SLC9A7: variants seen among roughly 807,000 people sequenced by gnomAD.
SLC9A7 encodes the protein sodium/hydrogen exchanger 7.
SLC9A7 carries 19 observed loss-of-function variants against 52.6 expected under a neutral mutation model. That is an observed-to-expected ratio of 0.36 (90% CI 0.25 to 0.53). The LOEUF is 0.53. Ranked by LOEUF, SLC9A7 falls within the 20% of genes least tolerant of loss-of-function variation. The pLI, the probability that SLC9A7 is intolerant of heterozygous loss-of-function variation, is 0.91. For synonymous variants in SLC9A7, 226 were observed against 252.1 expected, an observed-to-expected ratio of 0.90 and a Z score of 0.98; for missense variants, 455 against 597.9, an observed-to-expected ratio of 0.76 and a Z score of 2.49.
intron 1 of SLC9A7, among the ~76,000 whole-genome samples, chrX:46,753,104 A>T (rs782175526): frequency 2.7e-5 from 3 of 112,513 alleles, no homozygotes; most frequent in Non-Finnish European, 5.6e-5. Flanking sequence ...ACATTTCGAC[A>T]ATCCAAGGAA....
chrX:46,635,510 G>A, intron 13 of SLC9A7, 79 bp downstream of exon 13: 1 of 822,906 alleles, frequency 1.2e-6, no homozygotes. Flanking sequence ...GAAAAATAGT[G>A]TAAAGAGAAA....
chrX:46,621,118 GA>G (rs750911752), intron 14 of SLC9A7, 59 bp from the exon 15 acceptor site: 14 of 764,570 alleles, frequency 1.8e-5, no homozygotes, highest in African/African-American at 4.3e-5. Context: ...AAAGAAAGGG[GA>G]AAAAAAACCT....
At chrX:46,631,533 T>C (rs1342817109) in intron 14 of SLC9A7, 53 bp downstream of exon 14, 10 of 1,016,562 alleles carry the variant, frequency 9.8e-6, no homozygotes, top group Non-Finnish European at 1.4e-5. Flanking sequence ...GTGCCTGGCA[T>C]GTGGCGAATG....
intron 7 of SLC9A7, 123 bp from the exon 8 acceptor site, chrX:46,653,837 T>G: frequency 2.2e-6 from 1 of 453,094 alleles, no homozygotes; most frequent in Non-Finnish European, 3.8e-6. Context: ...TTTTTTTTTT[T>G]TGGAGGCTCT....
chrX:46,678,240 C>CT (rs761800129), intron 3 of SLC9A7, among the ~76,000 whole-genome samples: 1 of 110,308 alleles, frequency 9.1e-6, no homozygotes, highest in African/African-American at 3.3e-5. Context: ...CAAAATCTCT[C>CT]TTCTCTAGAC....
At chrX:46,642,712 G>C (rs1004854418) in intron 12 of SLC9A7, among the ~76,000 whole-genome samples, 2 of 112,064 alleles carry the variant, frequency 1.8e-5, no homozygotes, top group African/African-American at 6.5e-5. Context: ...CACAGGCAGA[G>C]GACATCCATG....
chrX:46,699,404 G>A (rs1260375390), intron 1 of SLC9A7, among the ~76,000 whole-genome samples: 1 of 111,636 alleles, frequency 9.0e-6, no homozygotes, highest in African/African-American at 3.3e-5. Flanking sequence ...CCATTCTAAT[G>A]TTGAATGGAA....
chrX:46,730,670 T>TAATATATATATATATATATA (rs1491295251), intron 1 of SLC9A7, among the ~76,000 whole-genome samples: 1 of 42,928 alleles, frequency 2.3e-5, no homozygotes, highest in African/African-American at 6.5e-5. Flanking sequence ...AAAAAAAAAA[T>TAATATATATATATATATATA]TATATATATA....
Position 46,735,121 on chromosome X carries a change from A to G in SLC9A7, c.325+23584T>C, listed in dbSNP as rs749547804. Among the ~76,000 whole-genome samples, 10 of 110,892 alleles carry G rather than the reference A, an allele frequency of 9.0e-5. No homozygotes were observed. In the East Asian group the frequency reaches 2.5e-3, roughly 28 times the overall value. ...GATCTCTGTCTTTTAGATGATTCAC[A>G]TTTTCACATTTAAAGCAACTATTTA... On this transcript the variant is annotated intron_variant, in intron 1 of 16. Coordinates refer to ENST00000616978, the MANE Select transcript of SLC9A7 (RefSeq NM_001257291.2).
chrX:46,742,826 G>C (rs1921454906), intron 1 of SLC9A7, among the ~76,000 whole-genome samples: 1 of 111,794 alleles, frequency 8.9e-6, no homozygotes, highest in Non-Finnish European at 1.9e-5. Context: ...AAGGTGGGAG[G>C]ATCACTTGAG....
chrX:46,671,427 ATT>A (rs567014139), intron 4 of SLC9A7, among the ~76,000 whole-genome samples: 2 of 99,156 alleles, frequency 2.0e-5, no homozygotes. Context: ...CTCCCGGCTA[ATT>A]TTTTTTTTTT....
chrX:46,608,187 G>A (rs924283406), intron 16 of SLC9A7, among the ~76,000 whole-genome samples: 4 of 112,258 alleles, frequency 3.6e-5, no homozygotes, highest in Admixed American at 9.4e-5. Context: ...AACGCCAAAG[G>A]GCAGTGACCT....
rs1415240080 is a variant in SLC9A7, at chrX:46,653,624, C to T, written c.1132G>A (p.Ala378Thr). The change falls in exon 8 of 17, where the codon GCC (alanine) becomes ACC (threonine). Residue 378 changes from alanine (A) to threonine (T), a missense_variant. Physicochemically the swap from Ala to Thr is moderately conservative, Grantham distance 58. Around this residue, in one of 3 missense-constraint regions of SLC9A7, gnomAD observed 304 missense variants for 417.8 expected, o/e 0.73. Coordinates refer to ENST00000616978, the MANE Select transcript of SLC9A7 (RefSeq NM_001257291.2). ...MSWSTFLLAE[A>T]CGFTGVVAVL... ...AAAAACCTACCTGTAAATCCGCAGG[C>T]TTCTGCCAAGAGAAACGTGCTCCAG... 8.3e-7 allele frequency: 1 copy of T among 1,208,895 alleles called. No individual in the cohort carries two copies. The highest frequency in any genetic ancestry group is 3.0e-5 in the East Asian group (1 of 33,799).
intron 1 of SLC9A7, among the ~76,000 whole-genome samples, chrX:46,688,364 G>A (rs753130521): frequency 5.7e-4 from 63 of 111,488 alleles, no homozygotes; most frequent in East Asian, 4.5e-3. Flanking sequence ...TTGGGAGGCC[G>A]AGGCGGGCAG....
At chrX:46,654,982 C>CTTT (rs60881484) in intron 7 of SLC9A7, among the ~76,000 whole-genome samples, 21 of 83,617 alleles carry the variant, frequency 2.5e-4, no homozygotes, top group Non-Finnish European at 3.0e-4. Flanking sequence ...TTCTTTCTTT[C>CTTT]TTTTTTTTTT....
intron 4 of SLC9A7, among the ~76,000 whole-genome samples, 169 bp downstream of exon 4, chrX:46,672,382 C>A (rs764461088): frequency 2.7e-5 from 3 of 111,881 alleles, no homozygotes; most frequent in Non-Finnish European, 5.6e-5. Context: ...GTAAATTGAT[C>A]TTAATTTAAA....
At chrX:46,661,469 T>C (rs1347391691) in intron 7 of SLC9A7, among the ~76,000 whole-genome samples, 3 of 112,235 alleles carry the variant, frequency 2.7e-5, no homozygotes, top group Non-Finnish European at 5.6e-5. Context: ...TTAAATTACA[T>C]AGTAATGCCC....
At chrX:46,744,719 A>G (rs1446171406) in intron 1 of SLC9A7, among the ~76,000 whole-genome samples, 1 of 111,932 alleles carries the variant, frequency 8.9e-6, no homozygotes, top group Non-Finnish European at 1.9e-5. Flanking sequence ...TTCTTCCCCA[A>G]AGGTTGCAGT....
intron 5 of SLC9A7, among the ~76,000 whole-genome samples, chrX:46,664,109 G>A (rs1437600750): frequency 1.8e-5 from 2 of 111,574 alleles, no homozygotes; most frequent in Non-Finnish European, 3.8e-5. Context: ...ATACATGCAC[G>A]AGAGCTGTGT....
Sources: gnomAD v4.1 joint callset for allele counts (sites outside exome capture counted in the v4.1 genomes callset) on GRCh38, gnomAD v4.1.1 for gene constraint, gnomAD v4.1.1 regional missense constraint, MANE v1.5 for transcripts, NCBI Gene and HGNC (gene_info 2026-07-23, HGNC 2026-07-21) for gene names.